The following LARP1 variants were observed in gnomAD, a reference collection of about 807,000 sequenced individuals.
LARP1 encodes La ribonucleoprotein 1, translational regulator.
In LARP1, 36 loss-of-function variants were observed where a neutral mutation model predicts 122.7. The observed-to-expected ratio is 0.29, with a 90% CI of 0.22 to 0.39. The LOEUF (loss-of-function observed/expected upper bound fraction) is 0.39, where lower values mean the gene tolerates loss of function less well. Ranked by LOEUF, LARP1 falls within the 10% of genes least tolerant of loss-of-function variation. The pLI is 1.00. For missense variants in LARP1, 1,040 were observed against 1,403.6 expected, an observed-to-expected ratio of 0.74 and a Z score of 4.14; for synonymous variants, 539 against 528.7, an observed-to-expected ratio of 1.02 and a Z score of -0.27.
At chr5:154,747,545 A>C (rs1016648740) in intron 1 of LARP1, among the ~76,000 whole-genome samples, 7 of 151,914 alleles carry the variant, frequency 4.6e-5, no homozygotes, top group African/African-American at 2.4e-5. Context: ...CATCTCTACT[A>C]AAAATATAAA....
At chr5:154,787,540 A>C (rs918142602) in intron 1 of LARP1, among the ~76,000 whole-genome samples, 1 of 152,210 alleles carries the variant, frequency 6.6e-6, no homozygotes, top group Non-Finnish European at 1.5e-5. Flanking sequence ...ACAGCAGCTC[A>C]TCTGAGCCAT....
intron 1 of LARP1, among the ~76,000 whole-genome samples, chr5:154,703,881 A>G (rs1353740534): frequency 6.6e-6 from 1 of 152,166 alleles, no homozygotes; most frequent in East Asian, 1.9e-4. Flanking sequence ...TCAGCCTGCC[A>G]AAGTGCTGGG....
chr5:154,691,798 GTTCT>G (rs150535735), intron 1 of LARP1, among the ~76,000 whole-genome samples: 84,107 of 138,804 alleles, frequency 0.61, 24,650 homozygotes, highest in Non-Finnish European at 0.67. Context: ...CACCCTTTTC[GTTCT>G]TTTTTTTTTT....
intron 1 of LARP1, among the ~76,000 whole-genome samples, chr5:154,691,913 C>A (rs888695166): frequency 2.6e-5 from 4 of 152,148 alleles, no homozygotes; most frequent in Non-Finnish European, 5.9e-5. Context: ...CCTTAGCCAC[C>A]TGAGTAGCTG....
chr5:154,768,208 A>G (rs1483607193), intron 1 of LARP1, among the ~76,000 whole-genome samples: 1 of 152,164 alleles, frequency 6.6e-6, no homozygotes, highest in Non-Finnish European at 1.5e-5. Flanking sequence ...ACATGGTAAT[A>G]TTTGGGACAG....
In LARP1 at chr5:154,795,192, T is replaced by G. The variant is rs949198553; in HGVS notation, c.1250T>G (p.Val417Gly). The change falls in exon 8 of 19, where the codon GTG becomes GGG. Residue 417 changes from valine to glycine, a missense_variant. Coordinates refer to ENST00000518297, the MANE Select transcript of LARP1 (RefSeq NM_033551.3). ...IKRQIEYYFS[V>G]DNLERDFFLR... The stretch of plus-strand genomic sequence containing the variant: ...CCACTTAGTGAATACTACTTCAGCG[T>G]GGACAATTTAGAGCGAGACTTCTTC... The G allele has an allele frequency of 1.2e-6, 2 of 1,614,012 alleles. No homozygotes were observed. The highest frequency in any genetic ancestry group is 2.2e-5 in the South Asian group (2 of 91,076).
chr5:154,806,076 T>C (rs1300136802), intron 15 of LARP1, 44 bp downstream of exon 15: 5 of 1,600,324 alleles, frequency 3.1e-6, no homozygotes, highest in Non-Finnish European at 3.4e-6. Flanking sequence ...GGGCCCGTTA[T>C]TTAGACCCAG....
chr5:154,736,238 G>A (rs983878144), intron 1 of LARP1, among the ~76,000 whole-genome samples: 11 of 151,986 alleles, frequency 7.2e-5, no homozygotes, highest in African/African-American at 2.7e-4. Flanking sequence ...TGGGATTACA[G>A]GCGTGTGCCA....
intron 1 of LARP1, among the ~76,000 whole-genome samples, chr5:154,773,161 C>T (rs776399508): frequency 2.0e-5 from 3 of 151,984 alleles, no homozygotes; most frequent in Non-Finnish European, 2.9e-5. Flanking sequence ...AGAAAACGTA[C>T]GAATGGGGGC....
intron 1 of LARP1, chr5:154,713,170 G>A: frequency 6.5e-7 from 1 of 1,549,270 alleles, no homozygotes; most frequent in Non-Finnish European, 8.8e-7. Context: ...CCTCAGGACA[G>A]CAGGGTGTGG....
chr5:154,814,122 G>A lies in LARP1; in HGVS notation c.*26G>A, dbSNP rs201424219. The A allele has an allele frequency of 2.7e-4, 437 of 1,609,382 alleles. 5 individuals carry two copies. In the African/African-American group the frequency reaches 4.7e-3, roughly 17 times the overall value. On this transcript the variant is annotated 3_prime_UTR_variant, in exon 19 of 19. Coordinates refer to ENST00000518297, the MANE Select transcript of LARP1 (RefSeq NM_033551.3). ...AAAGCTCCTTAGCCCTGGGGCTTGA[G>A]GGGGGAAAGGGGTAGGGTGGGTAAG...
intron 18 of LARP1, among the ~76,000 whole-genome samples, chr5:154,812,869 G>A (rs904656934): frequency 1.5e-4 from 23 of 152,034 alleles, no homozygotes; most frequent in African/African-American, 4.6e-4. Context: ...TCACTATCAC[G>A]AGAACAAGAT....
Position 154,790,344 on chromosome 5 carries a change from G to A in LARP1, c.456G>A (p.Lys152=). The A allele has an allele frequency of 6.2e-7, 1 of 1,613,702 alleles. No individual in the cohort carries two copies. The highest frequency in any genetic ancestry group is 8.5e-7 in the Non-Finnish European group (1 of 1,179,814). ...CCACAGAACACTCTGCTCCAGCCAA[G>A]GTGGTGAGGGCAGCTGTTCCTAAAC... is the stretch of plus-strand genomic sequence containing the variant. ...QSPPEHSAPA[K]VVRAAVPKQR... Residue 152 remains lysine, a synonymous_variant, in exon 2 of 19, where the codon AAG becomes AAA. Transcript: ENST00000518297.
At chr5:154,693,804 C>G (rs60821232) in intron 1 of LARP1, among the ~76,000 whole-genome samples, 1 of 149,782 alleles carries the variant, frequency 6.7e-6, no homozygotes, top group East Asian at 2.0e-4. Flanking sequence ...TGCAGTGAGC[C>G]GAGATCGCGC....
At chr5:154,776,823 C>T (rs376320423) in intron 1 of LARP1, among the ~76,000 whole-genome samples, 4 of 152,342 alleles carry the variant, frequency 2.6e-5, no homozygotes, top group Non-Finnish European at 4.4e-5. Context: ...TTCAAACTAC[C>T]TTCTGCTCAG....
chr5:154,753,357 G>A (rs1043660895), upstream of LARP1, among the ~76,000 whole-genome samples: 1 of 152,138 alleles, frequency 6.6e-6, no homozygotes, highest in African/African-American at 2.4e-5. Context: ...GAGGTAGGAG[G>A]ATGGCTTGAG....
At chr5:154,711,234 C>T (rs908450533), upstream of LARP1, among the ~76,000 whole-genome samples, 4 of 151,700 alleles carry the variant, frequency 2.6e-5, no homozygotes, top group South Asian at 2.1e-4. Flanking sequence ...CTCCAGCTCC[C>T]GGGTTCAAGC....
At position 154,793,971 on chromosome 5, in the gene LARP1, G is replaced by T. The variant is rs761790075; in HGVS notation, c.1040G>T (p.Gly347Val). 1.1e-5 allele frequency: 18 copies of T among 1,611,158 alleles called. No individual in the cohort carries two copies. In the African/African-American group the frequency reaches 1.9e-4, roughly 17 times the overall value. The change falls in exon 6 of 19, where the codon GGC becomes GTC. Residue 347 changes from glycine (G) to valine (V), a missense_variant. By Grantham distance (109) the Gly-to-Val change is moderately radical (BLOSUM62 -3). Coordinates refer to ENST00000518297, the MANE Select transcript of LARP1 (RefSeq NM_033551.3). ...FRGRGRGRGR[G>V]RGRGRGGTRT... Reference sequence around the variant, plus strand: ...GGCCGTGGACGGGGGCGTGGTCGCGGCCGGGGACGCGGCCGGGGTGGCACT... The same window carrying T: ...GGCCGTGGACGGGGGCGTGGTCGCGTCCGGGGACGCGGCCGGGGTGGCACT...
intron 1 of LARP1, among the ~76,000 whole-genome samples, chr5:154,777,797 C>T (rs1053075445): frequency 6.6e-6 from 1 of 151,822 alleles, no homozygotes; most frequent in Non-Finnish European, 1.5e-5. Context: ...CTCAACTACC[C>T]CATAAATATG....
Sources: allele counts gnomAD v4.1 joint callset (sites outside exome capture counted in the v4.1 genomes callset), GRCh38; gene constraint gnomAD v4.1.1; transcripts MANE v1.5; gene names NCBI Gene and HGNC (gene_info 2026-07-23, HGNC 2026-07-21).